SMARCC1: variants seen among roughly 807,000 people sequenced by gnomAD.
SMARCC1 encodes SWI/SNF related BAF chromatin remodeling complex subunit C1, also known as SWI/SNF complex subunit SMARCC1.
A neutral mutation model predicts 147.4 loss-of-function variants in SMARCC1; 43 were observed. The ratio of observed to expected loss-of-function variants is 0.29; its 90% CI spans 0.23 to 0.38. SMARCC1 has a LOEUF of 0.38. SMARCC1 is among the 10% of genes least tolerant of loss of function. The pLI is 1.00. For synonymous variants in SMARCC1, 495 were observed against 484.4 expected (o/e 1.02, Z -0.29); for missense variants, 1,119 against 1,381.1 (o/e 0.81, Z 3.01).
intron 17 of SMARCC1, 90 bp downstream of exon 17, chr3:47,676,539 A>G (rs1434917964): frequency 1.1e-6 from 1 of 908,340 alleles, no homozygotes; most frequent in Non-Finnish European, 1.7e-6. Flanking sequence ...TAATAGCATT[A>G]TAGTATAATA....
rs772639741 is a variant in SMARCC1, at chr3:47,676,751, C to T, written c.1603G>A (p.Val535Ile). The part of the protein sequence containing the change: ...VHAFLEQWGL[V>I]NYQVDPESRP... The stretch of plus-strand genomic sequence containing the variant: ...CTTTCCGGGTCAACTTGGTAATTAA[C>T]GAGTCCCCACTGCTCTAAAAAGGCA... Residue 535 changes from valine to isoleucine, a missense_variant, in exon 17 of 28, where the codon GTT becomes ATT. Val to Ile is a conservative substitution (Grantham distance 29, BLOSUM62 3). Transcript: ENST00000254480. 39 of 1,613,414 alleles carry T rather than the reference C, an allele frequency of 2.4e-5. No homozygotes were observed. The highest frequency in any genetic ancestry group is 3.5e-4 in the Middle Eastern group (2 of 5,728).
chr3:47,729,809 C>T lies in SMARCC1; in HGVS notation c.577-715G>A, dbSNP rs537635900. On this transcript the variant is annotated intron_variant, in intron 5 of 27. Transcript: ENST00000254480. ...ACTATGTGCAAGCGTAACACAGATA[C>T]ATCGTCAAGTTCAGTTTCAGACCAC... Among the ~76,000 whole-genome samples the T allele has an allele frequency of 3.3e-5, 5 of 152,316 alleles. No individual in the cohort carries two copies. In the South Asian group the frequency reaches 1.0e-3, roughly 32 times the overall value.
chr3:47,588,098 C>G lies in SMARCC1; in HGVS notation c.*111G>C, dbSNP rs1559619665. 4.8e-6 allele frequency: 4 copies of G among 831,694 alleles called. No homozygotes were observed. Among genetic ancestry groups the G allele is most frequent in the Non-Finnish European group, 7.9e-6 (4 of 508,704 alleles). 51.5% of individuals were successfully genotyped at this position (831,694 alleles called of 1,614,324 possible). ...GGAGGCACGGGACACGTGCTTGGAG[C>G]TGTGAGAAGAAAAATCCTGAAAGAA... On this transcript the variant is annotated 3_prime_UTR_variant, in exon 28 of 28. Transcript: ENST00000254480.
intron 2 of SMARCC1, among the ~76,000 whole-genome samples, chr3:47,772,246 C>T (rs1417533224): frequency 6.6e-6 from 1 of 152,116 alleles, no homozygotes; most frequent in Non-Finnish European, 1.5e-5. Flanking sequence ...AAAAGTCACC[C>T]ATATGCGCGT....
rs896997610 is a variant in SMARCC1 at position 47,664,014 on chromosome 3, C to T, written c.1900-1422G>A. 6 of 753,624 alleles carry T rather than the reference C, an allele frequency of 8.0e-6. No homozygotes were observed. The South Asian group carries it at 8.1e-5, about 10-fold the overall frequency. The allele number at this position is 753,624 out of a possible 1,614,324, so 46.7% of individuals were successfully genotyped here. On this transcript the variant is annotated intron_variant, in intron 19 of 27. Transcript: ENST00000254480. ...AGCACTGGCCCTACCATGGGACTTA[C>T]TCCCTCCTCTCCTTTGAGAGGCCCA...
At chr3:47,763,490 T>C (rs1160411501) in intron 2 of SMARCC1, among the ~76,000 whole-genome samples, 1 of 151,992 alleles carries the variant, frequency 6.6e-6, no homozygotes, top group African/African-American at 2.4e-5. Context: ...TATTACACTT[T>C]ACATTTTTGT....
At chr3:47,677,186 G>A (rs373356717) in intron 16 of SMARCC1, among the ~76,000 whole-genome samples, 7 of 151,890 alleles carry the variant, frequency 4.6e-5, no homozygotes, top group African/African-American at 1.4e-4. Flanking sequence ...AACCTCCTCC[G>A]CATCCTTGGT....
intron 2 of SMARCC1, among the ~76,000 whole-genome samples, chr3:47,754,179 T>C (rs1344622678): frequency 2.0e-5 from 3 of 151,970 alleles, no homozygotes; most frequent in African/African-American, 7.2e-5. Flanking sequence ...CCTCATTTAC[T>C]TGTCACAACA....
intron 3 of SMARCC1, 124 bp from the exon 4 acceptor site, chr3:47,738,234 T>C: frequency 3.3e-6 from 2 of 602,098 alleles, no homozygotes; most frequent in South Asian, 4.8e-5. Flanking sequence ...CTACAAAATG[T>C]GTGAGACATT....
rs1231237633 is a variant in SMARCC1, at chr3:47,676,738, A to G, written c.1616T>C (p.Val539Ala). ...TGCCATGGGTCTACTTTCCGGGTCA[A>G]CTTGGTAATTAACGAGTCCCCACTG... ...LEQWGLVNYQ[V>A]DPESRPMAMG... Residue 539 changes from valine to alanine, a missense_variant, in exon 17 of 28, where the codon GTT (valine) becomes GCT (alanine). This residue lies in a region of SMARCC1 where 178 missense variants were observed against 264.6 expected (regional missense o/e 0.67). Transcript: ENST00000254480. The G allele has an allele frequency of 1.2e-6, 2 of 1,613,728 alleles. No homozygotes were observed. The highest frequency in any genetic ancestry group is 2.7e-5 in the African/African-American group (2 of 74,924).
At position 47,586,929 on chromosome 3, in the gene SMARCC1, C is replaced by T. The variant is rs2032079753; in HGVS notation, c.*1280G>A. ...GCTTGTCCTCTGGAATGGCATTCTA[C>T]CCTCCCAGCCTGAGCACCCCAAACC... is the stretch of plus-strand genomic sequence containing the variant. On this transcript the variant is annotated 3_prime_UTR_variant, in exon 28 of 28. Transcript: ENST00000254480. The T allele has an allele frequency of 6.6e-6, 1 of 152,494 alleles. No individual in the cohort carries two copies. The highest frequency in any genetic ancestry group is 2.4e-5 in the African/African-American group (1 of 41,388). The allele number at this position is 152,494 out of a possible 1,614,324, so 9.4% of individuals were successfully genotyped here.
At chr3:47,718,972 G>C (rs2034196273) in intron 7 of SMARCC1, among the ~76,000 whole-genome samples, 1 of 152,090 alleles carries the variant, frequency 6.6e-6, no homozygotes, top group Non-Finnish European at 1.5e-5. Flanking sequence ...GACTGCAGTG[G>C]CGCAATCTCG....
intron 1 of SMARCC1, among the ~76,000 whole-genome samples, chr3:47,775,788 A>G (rs1316986625): frequency 6.7e-6 from 1 of 148,348 alleles, no homozygotes; most frequent in Non-Finnish European, 1.5e-5. Context: ...AGCGAGACTC[A>G]CTCTCAAAAA....
At chr3:47,605,560 C>T (rs1315006216) in intron 26 of SMARCC1, among the ~76,000 whole-genome samples, 1 of 152,076 alleles carries the variant, frequency 6.6e-6, no homozygotes, top group Non-Finnish European at 1.5e-5. Flanking sequence ...CTACTTAAGC[C>T]CAGGAGTTCA....
At chr3:47,773,752 C>T (rs2106877765) in intron 1 of SMARCC1, among the ~76,000 whole-genome samples, 1 of 152,136 alleles carries the variant, frequency 6.6e-6, no homozygotes, top group South Asian at 2.1e-4. Context: ...CCCTCAGCCT[C>T]CCTAGCAGCT....
chr3:47,734,083 C>T (rs1181010101), intron 5 of SMARCC1, among the ~76,000 whole-genome samples: 2 of 151,864 alleles, frequency 1.3e-5, no homozygotes, highest in African/African-American at 4.8e-5. Context: ...AAACTGTAGG[C>T]AATATATAAA....
At chr3:47,639,605 T>A (rs1193727450) in intron 21 of SMARCC1, among the ~76,000 whole-genome samples, 1 of 152,000 alleles carries the variant, frequency 6.6e-6, no homozygotes, top group African/African-American at 2.4e-5. Flanking sequence ...CCCTAGTTAC[T>A]CAGGAGTCTG....
rs776338959 is a variant in SMARCC1, at chr3:47,676,732, G to A, written c.1622C>T (p.Pro541Leu). ...TCCCATTGCCATGGGTCTACTTTCCGGGTCAACTTGGTAATTAACGAGTCC... is the reference window on the plus strand; with the variant it reads ...TCCCATTGCCATGGGTCTACTTTCCAGGTCAACTTGGTAATTAACGAGTCC... ...QWGLVNYQVD[P>L]ESRPMAMGPP... The change falls in exon 17 of 28, where the codon CCG becomes CTG. Residue 541 changes from proline (P) to leucine (L), a missense_variant. By Grantham distance (98) the Pro-to-Leu change is moderately conservative (BLOSUM62 -3). Around this residue, in one of 6 missense-constraint regions of SMARCC1, gnomAD observed 178 missense variants for 264.6 expected, o/e 0.67. Coordinates refer to ENST00000254480, the MANE Select transcript of SMARCC1 (RefSeq NM_003074.4). The A allele has an allele frequency of 6.8e-6, 11 of 1,613,556 alleles. No homozygotes were observed. The highest frequency in any genetic ancestry group is 5.5e-5 in the South Asian group (5 of 91,018).
chr3:47,634,559 A>G (rs531456085), intron 24 of SMARCC1, among the ~76,000 whole-genome samples: 1 of 152,372 alleles, frequency 6.6e-6, no homozygotes, highest in East Asian at 1.9e-4. Context: ...TCTGAAGTAG[A>G]ATGAAGAACA....
Sources: allele counts gnomAD v4.1 joint callset (sites outside exome capture counted in the v4.1 genomes callset), GRCh38; gene constraint gnomAD v4.1.1; regional missense constraint gnomAD v4.1.1; transcripts MANE v1.5; gene names NCBI Gene and HGNC (gene_info 2026-07-23, HGNC 2026-07-21).